The following LSAMP variants were observed in gnomAD, a reference collection of about 807,000 sequenced individuals.
LSAMP encodes limbic system-associated membrane protein.
In LSAMP, 7 loss-of-function variants were observed where a neutral mutation model predicts 38.6. That is an observed-to-expected ratio of 0.18 (90% CI 0.10 to 0.34). LSAMP has a LOEUF of 0.34. Among genes scored for constraint, LSAMP ranks in the 10% least tolerant of loss-of-function variants. The pLI, the probability that LSAMP is intolerant of heterozygous loss-of-function variation, is 1.00. For synonymous variants in LSAMP, 154 were observed against 166.8 expected, an observed-to-expected ratio of 0.92 and a Z score of 0.59; for missense variants, 313 against 420.0, an observed-to-expected ratio of 0.75 and a Z score of 2.23.
intron 1 of LSAMP, among the ~76,000 whole-genome samples, chr3:116,166,947 G>A (rs201451183): frequency 6.6e-6 from 1 of 151,478 alleles, no homozygotes; most frequent in Non-Finnish European, 1.5e-5. Flanking sequence ...CCCGCCACCA[G>A]GCCCGGCTAA....
At chr3:115,854,217 A>G (rs1935421824) in intron 3 of LSAMP, among the ~76,000 whole-genome samples, 1 of 150,290 alleles carries the variant, frequency 6.7e-6, no homozygotes, top group South Asian at 2.1e-4. Flanking sequence ...TCTACTGAGA[A>G]TGTTTTAGAA....
intron 6 of LSAMP, among the ~76,000 whole-genome samples, chr3:115,827,656 C>T (rs1166610213): frequency 6.6e-6 from 1 of 152,114 alleles, no homozygotes; most frequent in Non-Finnish European, 1.5e-5. Flanking sequence ...CTTGGCTCCC[C>T]AGGGTCCAAT....
chr3:115,949,184 G>A (rs1476678971), intron 3 of LSAMP, among the ~76,000 whole-genome samples: 1 of 152,158 alleles, frequency 6.6e-6, no homozygotes, highest in Non-Finnish European at 1.5e-5. Flanking sequence ...GCTTGAATCT[G>A]GGAGATGGAG....
intron 1 of LSAMP, among the ~76,000 whole-genome samples, chr3:116,198,432 G>A: frequency 6.6e-6 from 1 of 152,154 alleles, no homozygotes; most frequent in Non-Finnish European, 1.5e-5. Flanking sequence ...CTGGGTGGGA[G>A]TGATGCTTAG....
chr3:116,014,325 G>T (rs1940416840), intron 3 of LSAMP, among the ~76,000 whole-genome samples: 1 of 152,044 alleles, frequency 6.6e-6, no homozygotes, highest in South Asian at 2.1e-4. Context: ...AATAATTCTT[G>T]CCAAATGAAC....
intron 2 of LSAMP, among the ~76,000 whole-genome samples, chr3:116,074,766 A>C (rs1707695971): frequency 6.6e-6 from 1 of 150,432 alleles, no homozygotes; most frequent in Non-Finnish European, 1.5e-5. Context: ...ATAATTTTCC[A>C]TGTTTGCCAT....
At chr3:116,063,545 A>G (rs1941632224) in intron 2 of LSAMP, among the ~76,000 whole-genome samples, 1 of 152,210 alleles carries the variant, frequency 6.6e-6, no homozygotes, top group South Asian at 2.1e-4. Context: ...AATAAATTGG[A>G]GAATGTTGTT....
At chr3:115,922,366 C>G (rs1457613901) in intron 3 of LSAMP, among the ~76,000 whole-genome samples, 1 of 152,036 alleles carries the variant, frequency 6.6e-6, no homozygotes, top group Non-Finnish European at 1.5e-5. Context: ...TATTGACTAT[C>G]TCTAATGAAT....
intron 2 of LSAMP, among the ~76,000 whole-genome samples, chr3:116,030,771 TC>T (rs1320276115): frequency 6.6e-6 from 1 of 152,048 alleles, no homozygotes; most frequent in African/African-American, 2.4e-5. Context: ...AGTGTACTTT[TC>T]CCCTTTATAC....
chr3:116,016,041 C>T lies in LSAMP; in HGVS notation c.514+3474G>A, dbSNP rs563683397. The stretch of plus-strand genomic sequence containing the variant: ...TTTTTTTTTTCCTTTCACATGGCCA[C>T]GGGTTGCAGGCAGCTTTGCTGTCAC... On this transcript the variant is annotated intron_variant, in intron 3 of 6. Coordinates refer to ENST00000490035, the MANE Select transcript of LSAMP (RefSeq NM_002338.5). Among the ~76,000 whole-genome samples, 9 of 151,892 alleles carry T rather than the reference C, an allele frequency of 5.9e-5. No homozygotes were observed. In the East Asian group the frequency reaches 9.7e-4, roughly 16 times the overall value.
intron 1 of LSAMP, among the ~76,000 whole-genome samples, chr3:116,439,592 A>G (rs78675049): frequency 0.056 from 8,576 of 152,330 alleles, 263 homozygotes; most frequent in Non-Finnish European, 0.068. Context: ...AACTGGCTGT[A>G]TGTGGTTGAA....
chr3:116,252,248 TA>T (rs566532261), intron 1 of LSAMP, among the ~76,000 whole-genome samples: 144 of 152,252 alleles, frequency 9.5e-4, no homozygotes, highest in African/African-American at 3.2e-3. Context: ...GGTACCCACT[TA>T]AGGAGGGCAA....
chr3:116,162,411 CTT>C (rs1488778754), intron 1 of LSAMP, among the ~76,000 whole-genome samples: 1 of 152,044 alleles, frequency 6.6e-6, no homozygotes, highest in Admixed American at 6.6e-5. Flanking sequence ...ACCTCTAAAT[CTT>C]TTTCTGATGA....
At chr3:116,098,726 G>C (rs756991247) in intron 1 of LSAMP, among the ~76,000 whole-genome samples, 3 of 152,102 alleles carry the variant, frequency 2.0e-5, no homozygotes, top group Non-Finnish European at 4.4e-5. Context: ...CCCTGTGTGT[G>C]TGTTTTTCTT....
chr3:116,269,353 C>T (rs2046939406), intron 1 of LSAMP, among the ~76,000 whole-genome samples: 3 of 151,684 alleles, frequency 2.0e-5, no homozygotes, highest in African/African-American at 7.3e-5. Context: ...ATATTATATA[C>T]CCTGTTCACA....
chr3:115,997,490 T>C (rs1040537426), intron 3 of LSAMP, among the ~76,000 whole-genome samples: 2 of 151,750 alleles, frequency 1.3e-5, no homozygotes, highest in African/African-American at 4.8e-5. Context: ...TTCTTTAGGA[T>C]GCCATGTTTG....
chr3:116,232,489 G>C (rs1186374526), intron 1 of LSAMP, among the ~76,000 whole-genome samples: 1 of 152,062 alleles, frequency 6.6e-6, no homozygotes, highest in Non-Finnish European at 1.5e-5. Flanking sequence ...ATGTTCACTT[G>C]GTCCATTCAG....
chr3:116,151,420 A>T lies in LSAMP; in HGVS notation c.156-64864T>A, dbSNP rs1313014953. On this transcript the variant is annotated intron_variant, in intron 1 of 6. Coordinates refer to ENST00000490035, the MANE Select transcript of LSAMP (RefSeq NM_002338.5). ...CAGGAATGAGTGTCCCAACAAGGAA[A>T]ATAATATATTCAGAGGCCTAGAGAT... Among the ~76,000 whole-genome samples the T allele has an allele frequency of 9.9e-5, 15 of 152,148 alleles. 1 individual carries two copies. The South Asian group carries it at 3.1e-3, about 32-fold the overall frequency.
chr3:116,119,862 T>A (rs1708836654), intron 1 of LSAMP, among the ~76,000 whole-genome samples: 1 of 152,110 alleles, frequency 6.6e-6, no homozygotes, highest in Non-Finnish European at 1.5e-5. Context: ...GGTTTCAGCA[T>A]CTTGGCCAGG....
Sources: gnomAD v4.1 joint callset for allele counts (sites outside exome capture counted in the v4.1 genomes callset) on GRCh38, gnomAD v4.1.1 for gene constraint, MANE v1.5 for transcripts, NCBI Gene and HGNC (gene_info 2026-07-23, HGNC 2026-07-21) for gene names.